RABEP1: variants seen among roughly 807,000 people sequenced by gnomAD.
RABEP1 encodes the protein rabaptin, RAB GTPase binding effector protein 1, also known as rab GTPase-binding effector protein 1.
In RABEP1, 51 loss-of-function variants were observed where a neutral mutation model predicts 123.4. That is an observed-to-expected ratio of 0.41 (90% confidence interval 0.33 to 0.52). The LOEUF (loss-of-function observed/expected upper bound fraction) is 0.52. Ranked by LOEUF, RABEP1 falls within the 20% of genes least tolerant of loss-of-function variation. The pLI, the probability that RABEP1 is intolerant of heterozygous loss-of-function variation, is 0.16. For synonymous variants in RABEP1, 347 were observed against 355.2 expected, an observed-to-expected ratio of 0.98 and a Z score of 0.26; for missense variants, 888 against 996.3, an observed-to-expected ratio of 0.89 and a Z score of 1.46.
intron 1 of RABEP1, among the ~76,000 whole-genome samples, chr17:5,285,143 G>A (rs1464241530): frequency 6.6e-6 from 1 of 151,996 alleles, no homozygotes; most frequent in Non-Finnish European, 1.5e-5. Flanking sequence ...TTACTTATTT[G>A]GAATACAGGT....
At chr17:5,360,941 T>C (rs2144674307) in intron 8 of RABEP1, 1 of 444,626 alleles carries the variant, frequency 2.2e-6, no homozygotes, top group Non-Finnish European at 4.1e-6. Context: ...CACAGTATTA[T>C]AACAGTCTGC....
chr17:5,314,604 C>T (rs1426057932), intron 2 of RABEP1, among the ~76,000 whole-genome samples: 5 of 151,654 alleles, frequency 3.3e-5, no homozygotes, highest in Non-Finnish European at 5.9e-5. Flanking sequence ...CTGCAAGCTC[C>T]GCCTCCTGGC....
At position 5,282,326 on chromosome 17, in the gene RABEP1, G is replaced by C; in HGVS notation, c.-161G>C. Reference sequence around the variant, plus strand: ...GAGGTCGGCGGTCGGGTCCGTCTCTGCCCGCGGCTGTGGCGGCGCCGGCGG... The same window carrying C: ...GAGGTCGGCGGTCGGGTCCGTCTCTCCCCGCGGCTGTGGCGGCGCCGGCGG... On this transcript the variant is annotated 5_prime_UTR_variant, in exon 1 of 18. Transcript: ENST00000537505. The C allele has an allele frequency of 2.0e-6, 1 of 490,242 alleles. No homozygotes were observed. Among genetic ancestry groups the C allele is most frequent in the Non-Finnish European group, 3.3e-6 (1 of 305,880 alleles). The allele number at this position is 490,242 out of a possible 1,614,324, so 30.4% of individuals were successfully genotyped here. A position where few individuals can be genotyped will look rare whatever the true frequency, so the allele number is the denominator to read the frequency against.
In RABEP1 at chr17:5,307,182, G is replaced by T. The variant is rs537308606; in HGVS notation, c.35-1512G>T. 5.3e-5 allele frequency among the ~76,000 whole-genome samples: 8 copies of T among 152,312 alleles called. No homozygotes were observed. The East Asian group carries it at 1.5e-3, about 29-fold the overall frequency. ...AAAATACAAAAATTAGCCAGGCGTG[G>T]TGGCACATGCCTGTAGTCCCAGCTA... On this transcript the variant is annotated intron_variant, in intron 1 of 17. Coordinates refer to ENST00000537505, the MANE Select transcript of RABEP1 (RefSeq NM_004703.6).
At position 5,380,457 on chromosome 17, in the gene RABEP1, G is replaced by T; in HGVS notation, c.2365G>T (p.Ala789Ser). ...LEEQLKKETA[A>S]KATVEQLMFE... The stretch of plus-strand genomic sequence containing the variant: ...AGAGCAGTTAAAGAAAGAGACTGCT[G>T]CTAAGGTAGTGTTTTCATTAGTCAT... Residue 789 changes from alanine (A) to serine (S), a missense_variant, in exon 16 of 18, where the codon GCT becomes TCT. By Grantham distance (99) the Ala-to-Ser change is moderately conservative (BLOSUM62 1). Coordinates refer to ENST00000537505, the MANE Select transcript of RABEP1 (RefSeq NM_004703.6). The T allele has an allele frequency of 6.5e-7, 1 of 1,535,886 alleles. No homozygotes were observed.
At chr17:5,351,900 A>T (rs963704637) in intron 7 of RABEP1, among the ~76,000 whole-genome samples, 29 of 151,918 alleles carry the variant, frequency 1.9e-4, no homozygotes, top group African/African-American at 7.0e-4. Flanking sequence ...CACCATATTG[A>T]TTTACCCTTT....
intron 1 of RABEP1, among the ~76,000 whole-genome samples, chr17:5,300,644 C>T (rs1285551483): frequency 1.3e-5 from 2 of 152,090 alleles, no homozygotes; most frequent in East Asian, 3.9e-4. Flanking sequence ...TGTTTCCTAC[C>T]CTCTAACTCT....
rs1369883912 is a variant in RABEP1, at chr17:5,368,630, A to T, written c.1884+162A>T. Among the ~76,000 whole-genome samples, 9 of 152,338 alleles carry T rather than the reference A, an allele frequency of 5.9e-5. No homozygotes were observed. In the East Asian group the frequency reaches 1.7e-3, roughly 29 times the overall value. On this transcript the variant is annotated intron_variant, in intron 12 of 17. Coordinates refer to ENST00000537505, the MANE Select transcript of RABEP1 (RefSeq NM_004703.6). ...ATTAATAATGGACAAAATATTGTAAAGACATTATTCCTTTTTTAAACCTAC... is the reference window on the plus strand; with the variant it reads ...ATTAATAATGGACAAAATATTGTAATGACATTATTCCTTTTTTAAACCTAC...
rs1198561085 is a variant in RABEP1 at position 5,384,428 on chromosome 17, G to A, written c.*1205G>A. On this transcript the variant is annotated 3_prime_UTR_variant, in exon 18 of 18. Coordinates refer to ENST00000537505, the MANE Select transcript of RABEP1 (RefSeq NM_004703.6). ...TCCAGTGGATGGATTCATCATCCAG[G>A]AGGTTCAAAAGTAAGATGGTTTTCA... 1 of 215,078 alleles carries A rather than the reference G, an allele frequency of 4.6e-6. No individual in the cohort carries two copies. Among genetic ancestry groups the A allele is most frequent in the African/African-American group, 2.3e-5 (1 of 44,368 alleles). The allele number at this position is 215,078 out of a possible 1,614,324, so 13.3% of individuals were successfully genotyped here. A position where few individuals can be genotyped will look rare whatever the true frequency, so the allele number is the denominator to read the frequency against.
chr17:5,336,477 T>C (rs1310650301), intron 4 of RABEP1: 1 of 471,882 alleles, frequency 2.1e-6, no homozygotes, highest in Admixed American at 2.4e-5. Flanking sequence ...GTCCTTTTTT[T>C]TCTGTTCTAG....
chr17:5,331,063 C>T (rs760488465), intron 2 of RABEP1, among the ~76,000 whole-genome samples: 8 of 109,000 alleles, frequency 7.3e-5, no homozygotes, highest in Non-Finnish European at 1.3e-4. Context: ...TTTAAAGAAA[C>T]ACAGCGGCTG....
intron 14 of RABEP1, among the ~76,000 whole-genome samples, chr17:5,377,749 A>G (rs76244346): frequency 1.3e-4 from 19 of 151,686 alleles, no homozygotes; most frequent in Non-Finnish European, 2.1e-4. Context: ...CTGGTCTCGA[A>G]CTCCTGACCT....
At chr17:5,300,403 A>G (rs1410600038) in intron 1 of RABEP1, among the ~76,000 whole-genome samples, 1 of 152,110 alleles carries the variant, frequency 6.6e-6, no homozygotes, top group Non-Finnish European at 1.5e-5. Context: ...CACATGGGTA[A>G]AGTATCGTTT....
chr17:5,355,248 C>T (rs1908915311), intron 8 of RABEP1, among the ~76,000 whole-genome samples: 3 of 152,188 alleles, frequency 2.0e-5, no homozygotes, highest in Admixed American at 2.0e-4. Context: ...TACATTTTAG[C>T]CATGTTGGTC....
At chr17:5,362,669 C>T (rs1207179674) in intron 9 of RABEP1, among the ~76,000 whole-genome samples, 1 of 152,138 alleles carries the variant, frequency 6.6e-6, no homozygotes, top group African/African-American at 2.4e-5. Context: ...TTGTGTTTTC[C>T]TCACATGTGA....
intron 2 of RABEP1, among the ~76,000 whole-genome samples, chr17:5,325,587 A>G (rs989144769): frequency 7.2e-5 from 11 of 152,242 alleles, no homozygotes; most frequent in Admixed American, 7.2e-4. Flanking sequence ...TTGATAGAAG[A>G]AATAAGACCT....
At chr17:5,312,646 G>A (rs1388588509) in intron 2 of RABEP1, among the ~76,000 whole-genome samples, 1 of 152,098 alleles carries the variant, frequency 6.6e-6, no homozygotes, top group African/African-American at 2.4e-5. Context: ...AAGTAGGTGG[G>A]AAAGCTGATG....
At chr17:5,299,551 C>A (rs150431244) in intron 1 of RABEP1, among the ~76,000 whole-genome samples, 1 of 150,036 alleles carries the variant, frequency 6.7e-6, no homozygotes, top group African/African-American at 2.5e-5. Context: ...AGTGTGTTTT[C>A]AGTTAGTTTT....
At chr17:5,336,501 A>G (rs1405468069) in intron 4 of RABEP1, 1 of 473,346 alleles carries the variant, frequency 2.1e-6, no homozygotes, top group East Asian at 5.2e-5. Context: ...CCCATCCAGG[A>G]TACCATATTG....
Sources: gnomAD v4.1 joint callset for allele counts (sites outside exome capture counted in the v4.1 genomes callset) on GRCh38, gnomAD v4.1.1 for gene constraint, MANE v1.5 for transcripts, NCBI Gene and HGNC (gene_info 2026-07-23, HGNC 2026-07-21) for gene names.